Variants in ARHGAP6 observed in about 807,000 individuals in gnomAD.
ARHGAP6 encodes the protein Rho GTPase activating protein 6.
Under a neutral mutation model 55.7 loss-of-function variants are expected in ARHGAP6, and 16 were observed. The ratio of observed to expected loss-of-function variants is 0.29; its 90% CI spans 0.19 to 0.44. The LOEUF is 0.44. ARHGAP6 is among the 20% of genes least tolerant of loss of function. ARHGAP6 has a pLI of 1.00. For synonymous variants in ARHGAP6, 382 were observed against 360.9 expected (o/e 1.06, Z -0.66); for missense variants, 698 against 808.9 (o/e 0.86, Z 1.66).
At chrX:11,651,907 C>A (rs986827089) in intron 1 of ARHGAP6, among the ~76,000 whole-genome samples, 2 of 112,273 alleles carry the variant, frequency 1.8e-5, no homozygotes, top group Non-Finnish European at 3.8e-5. Flanking sequence ...GAGCTTTTTT[C>A]ATAGGATTGT....
chrX:11,397,932 A>G (rs1260901764), intron 1 of ARHGAP6, among the ~76,000 whole-genome samples: 1 of 111,701 alleles, frequency 9.0e-6, no homozygotes, highest in East Asian at 2.8e-4. Context: ...ACCTGCAGCC[A>G]AGTTGCCTCT....
At chrX:11,318,643 C>T (rs1232798537) in intron 1 of ARHGAP6, 1 of 112,469 alleles carries the variant, frequency 8.9e-6, no homozygotes, top group East Asian at 2.8e-4. Flanking sequence ...ACGGTTTTTG[C>T]CATTACTTTC....
intron 10 of ARHGAP6, among the ~76,000 whole-genome samples, chrX:11,152,721 C>T (rs1602738428): frequency 8.9e-6 from 1 of 112,433 alleles, no homozygotes; most frequent in African/African-American, 3.2e-5. Context: ...CCTTTGTCAA[C>T]ACAAGGATGC....
chrX:11,621,769 A>G (rs1200709581), intron 1 of ARHGAP6, among the ~76,000 whole-genome samples: 1 of 111,683 alleles, frequency 9.0e-6, no homozygotes, highest in Non-Finnish European at 1.9e-5. Flanking sequence ...CCAGAATCAG[A>G]AAAAAATGAG....
At chrX:11,280,247 T>C (rs1445660307) in intron 1 of ARHGAP6, among the ~76,000 whole-genome samples, 1 of 111,928 alleles carries the variant, frequency 8.9e-6, no homozygotes, top group East Asian at 2.8e-4. Flanking sequence ...TAGAATCTTC[T>C]TTCTCTACTT....
At chrX:11,511,526 C>T (rs1306676018) in intron 1 of ARHGAP6, among the ~76,000 whole-genome samples, 3 of 112,368 alleles carry the variant, frequency 2.7e-5, no homozygotes, top group Non-Finnish European at 5.6e-5. Context: ...AACTGAGAAA[C>T]ATGTGCTGAT....
At chrX:11,624,180 A>C (rs1411640515) in intron 1 of ARHGAP6, among the ~76,000 whole-genome samples, 6 of 112,445 alleles carry the variant, frequency 5.3e-5, no homozygotes, top group Non-Finnish European at 1.1e-4. Flanking sequence ...TATGCAGAAG[A>C]ATGAAACTAG....
Position 11,139,386 on chromosome X carries a change from T to C in ARHGAP6, c.2402A>G (p.Gln801Arg), listed in dbSNP as rs564093802. The C allele has an allele frequency of 8.4e-7, 1 of 1,184,322 alleles. No homozygotes were observed. The highest frequency in any genetic ancestry group is 1.9e-5 in the South Asian group (1 of 53,898). Residue 801 changes from glutamine (Q) to arginine (R), a missense_variant, in exon 13 of 13, where the codon CAG becomes CGG. Physicochemically the swap from Gln to Arg is conservative, Grantham distance 43 (BLOSUM62 1). Transcript: ENST00000337414. ...GCCCTCCGTCGCGGGGGCTGCGGCC[T>C]GAGTCCTCCGAGCCCCCTGCGTGTC... Reference protein sequence around the residue: ...DSDTQGARRTQAAAPATEGRA... With the variant: ...DSDTQGARRTRAAAPATEGRA...
intron 1 of ARHGAP6, among the ~76,000 whole-genome samples, chrX:11,644,345 C>T (rs1221281393): frequency 9.0e-6 from 1 of 110,918 alleles, no homozygotes; most frequent in African/African-American, 3.3e-5. Context: ...CAGATGGATG[C>T]CACTCTCATC....
At chrX:11,467,942 T>G (rs766412706) in intron 1 of ARHGAP6, among the ~76,000 whole-genome samples, 1 of 109,009 alleles carries the variant, frequency 9.2e-6, no homozygotes, top group East Asian at 2.9e-4. Context: ...ATTGTGCCAC[T>G]GCACTCCAGC....
chrX:11,638,478 C>G (rs922186573), intron 1 of ARHGAP6, among the ~76,000 whole-genome samples: 2 of 111,958 alleles, frequency 1.8e-5, no homozygotes, highest in Non-Finnish European at 3.8e-5. Context: ...TGTTTAGACA[C>G]TTTTAGTGAT....
intron 1 of ARHGAP6, among the ~76,000 whole-genome samples, chrX:11,644,851 G>A (rs968947151): frequency 9.0e-6 from 1 of 111,485 alleles, no homozygotes; most frequent in African/African-American, 3.3e-5. Context: ...ATTTACTCTA[G>A]AGAAATTAAA....
At chrX:11,660,646 C>A (rs1001668936) in intron 1 of ARHGAP6, among the ~76,000 whole-genome samples, 1 of 102,052 alleles carries the variant, frequency 9.8e-6, no homozygotes, top group African/African-American at 3.5e-5. Context: ...TGTGGTTGTA[C>A]GTGTATCAAA....
At chrX:11,570,813 T>G (rs946402479) in intron 1 of ARHGAP6, among the ~76,000 whole-genome samples, 2 of 111,999 alleles carry the variant, frequency 1.8e-5, no homozygotes, top group Non-Finnish European at 3.8e-5. Context: ...AATATTTTTG[T>G]CCCCTCCAAA....
intron 1 of ARHGAP6, chrX:11,318,564 C>T (rs1269095622): frequency 8.9e-6 from 1 of 111,812 alleles, no homozygotes; most frequent in African/African-American, 3.2e-5. Context: ...GTTACTTATT[C>T]ATCCCCATTG....
intron 2 of ARHGAP6, among the ~76,000 whole-genome samples, chrX:11,232,006 A>C (rs1376958960): frequency 8.9e-6 from 1 of 111,762 alleles, no homozygotes; most frequent in African/African-American, 3.3e-5. Flanking sequence ...GTATGGAGTA[A>C]ATGTGATATT....
chrX:11,169,365 C>A, intron 9 of ARHGAP6, 140 bp downstream of exon 9: 1 of 487,920 alleles, frequency 2.0e-6, no homozygotes, highest in Non-Finnish European at 3.1e-6. Context: ...ATTTCTACTC[C>A]TGCTGAAACT....
At chrX:11,362,650 T>TATAATAATA (rs111272294) in intron 1 of ARHGAP6, among the ~76,000 whole-genome samples, 1 of 108,199 alleles carries the variant, frequency 9.2e-6, no homozygotes. Context: ...AAACTTAAAG[T>TATAATAATA]ATAATAATAA....
At chrX:11,658,502 C>A (rs1013497469) in intron 1 of ARHGAP6, among the ~76,000 whole-genome samples, 2 of 110,519 alleles carry the variant, frequency 1.8e-5, no homozygotes, top group Admixed American at 9.7e-5. Flanking sequence ...TAATTACTTT[C>A]TCTTTGGTGA....
Sources: allele counts gnomAD v4.1 joint callset (sites outside exome capture counted in the v4.1 genomes callset), GRCh38; gene constraint gnomAD v4.1.1; transcripts MANE v1.5; gene names NCBI Gene and HGNC (gene_info 2026-07-23, HGNC 2026-07-21).